Variants in SLC45A3 observed in about 807,000 individuals in gnomAD.
SLC45A3 encodes solute carrier family 45 member 3, also known as prostate cancer associated protein 2.
Under a neutral mutation model 35.3 loss-of-function variants are expected in SLC45A3, and 17 were observed. That is an observed-to-expected ratio of 0.48 (90% CI 0.33 to 0.72). The LOEUF (loss-of-function observed/expected upper bound fraction) is 0.72. SLC45A3 is among the 30% of genes least tolerant of loss of function. The pLI, the probability that SLC45A3 is intolerant of heterozygous loss-of-function variation, is 0.02. For synonymous variants in SLC45A3, 288 were observed against 334.3 expected, an observed-to-expected ratio of 0.86 and a Z score of 1.51; for missense variants, 597 against 731.7, an observed-to-expected ratio of 0.82 and a Z score of 2.12.
rs1374172671 is a variant in SLC45A3 at position 205,664,995 on chromosome 1, T to C, written c.-230-109A>G. On this transcript the variant is annotated intron_variant, in intron 1 of 4. Transcript: ENST00000367145. The surrounding 1 kb of genome is among the most constrained non-coding windows in gnomAD (Gnocchi z 5.3). ...TCCTGATCATTCACAGGCTGGCGAC[T>C]GGCCCTGTCACCGAGGTGCCACCCC... 9.1e-7 allele frequency: 1 copy of C among 1,096,498 alleles called. No individual in the cohort carries two copies. Among genetic ancestry groups the C allele is most frequent in the African/African-American group, 1.6e-5 (1 of 62,154 alleles). 67.9% of individuals were successfully genotyped at this position (1,096,498 alleles called of 1,614,324 possible).
rs143613303 is a variant in SLC45A3 at position 205,666,818 on chromosome 1, G to A, written c.-230-1932C>T. Among the ~76,000 whole-genome samples, 2 of 152,364 alleles carry A rather than the reference G, an allele frequency of 1.3e-5. No individual in the cohort carries two copies. The highest frequency in any genetic ancestry group is 2.4e-5 in the African/African-American group (1 of 41,594). On this transcript the variant is annotated intron_variant, in intron 1 of 4. Coordinates refer to ENST00000367145, the MANE Select transcript of SLC45A3 (RefSeq NM_033102.3). The surrounding 1 kb of genome is among the most constrained non-coding windows in gnomAD (Gnocchi z 4.1). ...AGCATCTCATTGCTGCATTTCCACAGTACCCCCAAGAAGGAAAGCAGGAGA... is the reference window on the plus strand; with the variant it reads ...AGCATCTCATTGCTGCATTTCCACAATACCCCCAAGAAGGAAAGCAGGAGA...
In SLC45A3 at chr1:205,658,573, A is replaced by G. The variant is rs2102400972; in HGVS notation, c.*661T>C. ...TCTACTTTGTTAAATAAATAAGTTAAATATTTAAATGCCTGTGTCTCTGTG... is the reference window on the plus strand; with the variant it reads ...TCTACTTTGTTAAATAAATAAGTTAGATATTTAAATGCCTGTGTCTCTGTG... On this transcript the variant is annotated 3_prime_UTR_variant, in exon 5 of 5. Transcript: ENST00000367145. The G allele has an allele frequency of 4.3e-6, 1 of 233,082 alleles. No individual in the cohort carries two copies. Among genetic ancestry groups the G allele is most frequent in the Non-Finnish European group, 8.5e-6 (1 of 117,686 alleles). 14.4% of individuals were successfully genotyped at this position (233,082 alleles called of 1,614,324 possible). A position where few individuals can be genotyped will look rare whatever the true frequency, so the allele number is the denominator to read the frequency against.
chr1:205,659,460 T>G lies in SLC45A3; in HGVS notation c.1436A>C (p.Glu479Ala), dbSNP rs758969117. The G allele has an allele frequency of 6.2e-7, 1 of 1,613,982 alleles. No homozygotes were observed. The highest frequency in any genetic ancestry group is 1.1e-5 in the South Asian group (1 of 91,080). Reference sequence around the variant, plus strand: ...GCCCCGGCCCGGAACCACCCTGGCCTCGGTGGGCTCACCCACCACCACACG... The same window carrying G: ...GCCCCGGCCCGGAACCACCCTGGCCGCGGTGGGCTCACCCACCACCACACG... ...SVRVVVGEPT[E>A]ARVVPGRGIC... The change falls in exon 5 of 5, where the codon GAG becomes GCG. Residue 479 changes from glutamate to alanine, a missense_variant. Physicochemically the swap from Glu to Ala is moderately radical, Grantham distance 107. Around this residue, in one of 3 missense-constraint regions of SLC45A3, gnomAD observed 555 missense variants for 664.9 expected, o/e 0.83. Coordinates refer to ENST00000367145, the MANE Select transcript of SLC45A3 (RefSeq NM_033102.3). The surrounding 1 kb of genome is among the most constrained non-coding windows in gnomAD (Gnocchi z 5.8).
At chr1:205,676,104 C>G (rs1178165534) in intron 1 of SLC45A3, among the ~76,000 whole-genome samples, 1 of 152,204 alleles carries the variant, frequency 6.6e-6, no homozygotes, top group African/African-American at 2.4e-5. Context: ...CACATTCAAG[C>G]TAGCTGGGTG....
chr1:205,669,510 TGACA>T lies in SLC45A3; in HGVS notation c.-230-4628_-230-4625del, dbSNP rs1476834994. ...AGCTGGGGGAGCAGATTCCCTCTAC[TGACA>T]GACAGAGGCCCGTGGAAGCCCAGGC... On this transcript the variant is annotated intron_variant, in intron 1 of 4. Coordinates refer to ENST00000367145, the MANE Select transcript of SLC45A3 (RefSeq NM_033102.3). This position sits in a 1 kb window ranked among gnomAD's most constrained non-coding sequence, Gnocchi z 4.1. Among the ~76,000 whole-genome samples the T allele has an allele frequency of 1.3e-5, 2 of 151,946 alleles. No individual in the cohort carries two copies. The highest frequency in any genetic ancestry group is 1.5e-5 in the Non-Finnish European group (1 of 67,942).
At position 205,664,856 on chromosome 1, in the gene SLC45A3, C is replaced by T; in HGVS notation, c.-200G>A. The T allele has an allele frequency of 7.0e-7, 1 of 1,418,702 alleles. No homozygotes were observed. Among genetic ancestry groups the T allele is most frequent in the Non-Finnish European group, 9.2e-7 (1 of 1,090,126 alleles). 87.9% of individuals were successfully genotyped at this position (1,418,702 alleles called of 1,614,324 possible). ...CTCAACACCTGCTGCTGTGGGGCAC[C>T]TCAGTGGGGACACGTCTCATCACTC... On this transcript the variant is annotated 5_prime_UTR_variant, in exon 2 of 5. Transcript: ENST00000367145. This position sits in a 1 kb window ranked among gnomAD's most constrained non-coding sequence, Gnocchi z 5.3.
In SLC45A3 at chr1:205,668,181, C is replaced by G. The variant is rs577322603; in HGVS notation, c.-230-3295G>C. ...TCCAAGCCCATAAGCACACACTACC[C>G]TCCAAAGCCCCCTTTTCTTATCCTT... On this transcript the variant is annotated intron_variant, in intron 1 of 4. Coordinates refer to ENST00000367145, the MANE Select transcript of SLC45A3 (RefSeq NM_033102.3). Among the ~76,000 whole-genome samples the G allele has an allele frequency of 1.4e-4, 21 of 152,302 alleles. No homozygotes were observed. In the East Asian group the frequency reaches 4.1e-3, roughly 29 times the overall value.
intron 1 of SLC45A3, among the ~76,000 whole-genome samples, chr1:205,670,596 A>G (rs1483127609): frequency 1.3e-5 from 2 of 152,158 alleles, no homozygotes; most frequent in African/African-American, 4.8e-5. Context: ...CCTGGAGGCC[A>G]GGGATTTAGA....
At chr1:205,663,853 A>G (rs1210102402) in intron 2 of SLC45A3, among the ~76,000 whole-genome samples, 2 of 152,204 alleles carry the variant, frequency 1.3e-5, no homozygotes, top group African/African-American at 4.8e-5. Flanking sequence ...TCAAAGGCGC[A>G]GACCTAGGGA....
rs765933638 is a variant in SLC45A3 at position 205,661,977 on chromosome 1, A to G, written c.1108T>C (p.Cys370Arg). 1 of 1,614,196 alleles carries G rather than the reference A, an allele frequency of 6.2e-7. No homozygotes were observed. The highest frequency in any genetic ancestry group is 2.2e-5 in the East Asian group (1 of 44,888). Residue 370 changes from cysteine (C) to arginine (R), a missense_variant, in exon 4 of 5, where the codon TGC becomes CGC. By Grantham distance (180) the Cys-to-Arg change is radical. This residue lies in a region of SLC45A3 where 555 missense variants were observed against 664.9 expected (regional missense o/e 0.83). Transcript: ENST00000367145. ...ACCACGGCCACACTGTGGGACAGGC[A>G]TGTGGCACCGGCAGCCACAGGGAAA... is the stretch of plus-strand genomic sequence containing the variant. Reference protein sequence around the residue: ...AAFPVAAGATCLSHSVAVVTA... With the variant: ...AAFPVAAGATRLSHSVAVVTA...
chr1:205,663,384 C>A lies in SLC45A3; in HGVS notation c.407G>T (p.Gly136Val). The change falls in exon 3 of 5, where the codon GGC becomes GTC. Residue 136 changes from glycine (G) to valine (V), a missense_variant. Gly to Val is a moderately radical substitution (Grantham distance 109). This residue lies in a region of SLC45A3 where 555 missense variants were observed against 664.9 expected (regional missense o/e 0.83). Transcript: ENST00000367145. ...ILGVGLLDFC[G>V]QVCFTPLEAL... ...CTCCAGTGGAGTGAAGCACACCTGGCCACAGAAGTCCAGCAGCCCCACGCC... is the reference window on the plus strand; with the variant it reads ...CTCCAGTGGAGTGAAGCACACCTGGACACAGAAGTCCAGCAGCCCCACGCC... 1 of 1,613,360 alleles carries A rather than the reference C, an allele frequency of 6.2e-7. No homozygotes were observed. Among genetic ancestry groups the A allele is most frequent in the Non-Finnish European group, 8.5e-7 (1 of 1,179,986 alleles).
chr1:205,664,430 A>T lies in SLC45A3; in HGVS notation c.172+55T>A. Reference sequence around the variant, plus strand: ...CCCAGGGCAGAGGTACTCCTGTCCCACATGCCAGGTGGCATGTATCTGGAA... The same window carrying T: ...CCCAGGGCAGAGGTACTCCTGTCCCTCATGCCAGGTGGCATGTATCTGGAA... On this transcript the variant is annotated intron_variant, in intron 2 of 4. Coordinates refer to ENST00000367145, the MANE Select transcript of SLC45A3 (RefSeq NM_033102.3). The surrounding 1 kb of genome is among the most constrained non-coding windows in gnomAD (Gnocchi z 5.3). 1 of 1,598,522 alleles carries T rather than the reference A, an allele frequency of 6.3e-7. No homozygotes were observed. The highest frequency in any genetic ancestry group is 8.5e-7 in the Non-Finnish European group (1 of 1,169,964).
At chr1:205,671,633 C>A (rs1462720538) in intron 1 of SLC45A3, among the ~76,000 whole-genome samples, 1 of 152,118 alleles carries the variant, frequency 6.6e-6, no homozygotes, top group African/African-American at 2.4e-5. Flanking sequence ...CCGAGGCAGG[C>A]AGATTACCTG....
rs1181589314 is a variant in SLC45A3 at position 205,662,820 on chromosome 1, G to A, written c.958+13C>T. 2.6e-6 allele frequency: 4 copies of A among 1,563,410 alleles called. No individual in the cohort carries two copies. The East Asian group carries it at 6.8e-5, about 27-fold the overall frequency. On this transcript the variant is annotated intron_variant, in intron 3 of 4. Coordinates refer to ENST00000367145, the MANE Select transcript of SLC45A3 (RefSeq NM_033102.3). The surrounding 1 kb of genome is among the most constrained non-coding windows in gnomAD (Gnocchi z 6.2). ...GCTCCCACACCAGCCTCTGCTGGCT[G>A]CCAAGGCCTTACCTTCATCATAGTG...
rs371441225 is a variant in SLC45A3 at position 205,659,237 on chromosome 1, C to T, written c.1659G>A (p.Ala553=). The T allele has an allele frequency of 5.2e-5, 84 of 1,606,426 alleles. No individual in the cohort carries two copies. The highest frequency in any genetic ancestry group is 6.7e-5 in the East Asian group (3 of 44,832). The part of the protein sequence containing the change: ...FDKSDLAKYS[A] ...ACCCCAATGTGCTGGAAGTTTTCTA[C>T]GCTGAGTATTTGGCCAAGTCGCTCT... The change falls in exon 5 of 5, where the codon GCG becomes GCA. Residue 553 remains alanine, a synonymous_variant. Coordinates refer to ENST00000367145, the MANE Select transcript of SLC45A3 (RefSeq NM_033102.3). This position sits in a 1 kb window ranked among gnomAD's most constrained non-coding sequence, Gnocchi z 5.8.
chr1:205,670,803 G>A (rs574114295), intron 1 of SLC45A3, among the ~76,000 whole-genome samples: 2 of 152,240 alleles, frequency 1.3e-5, no homozygotes, highest in South Asian at 4.1e-4. Flanking sequence ...CCTTCCAGCT[G>A]CTGCTGGCCC....
At position 205,664,696 on chromosome 1, in the gene SLC45A3, A is replaced by G. The variant is rs370133438; in HGVS notation, c.-40T>C. ...GTAGGGCTCAGGGGGCCGTTCAGGC[A>G]CTCCAGAACTGCTTCGTCTCGGCTC... On this transcript the variant is annotated 5_prime_UTR_variant, in exon 2 of 5. Coordinates refer to ENST00000367145, the MANE Select transcript of SLC45A3 (RefSeq NM_033102.3). The surrounding 1 kb of genome is among the most constrained non-coding windows in gnomAD (Gnocchi z 5.3). 6.3e-6 allele frequency: 10 copies of G among 1,595,778 alleles called. No individual in the cohort carries two copies. In the African/African-American group the frequency reaches 1.2e-4, roughly 19 times the overall value.
Position 205,662,881 on chromosome 1 carries a change from C to T in SLC45A3, c.910G>A (p.Val304Met), listed in dbSNP as rs766318561. ...DFVGEGLYQG[V>M]PRAEPGTEAR... ...TCGGTGCCCGGCTCAGCTCTGGGCA[C>T]GCCCTGGTACAGCCCCTCGCCCACG... The change falls in exon 3 of 5, where the codon GTG (valine) becomes ATG (methionine). Residue 304 changes from valine (V) to methionine (M), a missense_variant. This residue lies in a region of SLC45A3 where 555 missense variants were observed against 664.9 expected (regional missense o/e 0.83). Transcript: ENST00000367145. This position sits in a 1 kb window ranked among gnomAD's most constrained non-coding sequence, Gnocchi z 6.2. 1.5e-5 allele frequency: 24 copies of T among 1,610,004 alleles called. No individual in the cohort carries two copies. The highest frequency in any genetic ancestry group is 2.2e-5 in the East Asian group (1 of 44,794).
chr1:205,668,206 T>C (rs1165378157), intron 1 of SLC45A3, among the ~76,000 whole-genome samples: 4 of 152,056 alleles, frequency 2.6e-5, no homozygotes, highest in African/African-American at 9.7e-5. Context: ...TTCTTATCCT[T>C]GCATGCTTTC....
Sources: gnomAD v4.1 joint callset for allele counts (sites outside exome capture counted in the v4.1 genomes callset) on GRCh38, gnomAD v4.1.1 for gene constraint, gnomAD v4.1.1 regional missense constraint, Gnocchi (gnomAD v3.1) non-coding constraint, MANE v1.5 for transcripts, NCBI Gene and HGNC (gene_info 2026-07-23, HGNC 2026-07-21) for gene names.